SPOCK3: variants seen among roughly 807,000 people sequenced by gnomAD.
The protein encoded by SPOCK3 is SPARC (osteonectin), cwcv and kazal like domains proteoglycan 3, also known as testican-3.
Under a neutral mutation model 56.6 loss-of-function variants are expected in SPOCK3, and 30 were observed. The observed-to-expected ratio is 0.53, with a 90% confidence interval of 0.40 to 0.72. The LOEUF is 0.72. Among genes scored for constraint, SPOCK3 ranks in the 30% least tolerant of loss-of-function variants. The pLI is 0.00. For synonymous variants in SPOCK3, 196 were observed against 183.3 expected, an observed-to-expected ratio of 1.07 and a Z score of -0.56; for missense variants, 527 against 530.0, an observed-to-expected ratio of 0.99 and a Z score of 0.06.
intron 2 of SPOCK3, among the ~76,000 whole-genome samples, chr4:167,123,258 TAA>T (rs1045638552): frequency 8.5e-5 from 13 of 152,218 alleles, no homozygotes; most frequent in South Asian, 6.2e-4. Context: ...GAATGATATA[TAA>T]GTTAATAATA....
chr4:167,029,331 ATAAAT>A (rs1238128669), intron 3 of SPOCK3, among the ~76,000 whole-genome samples: 4 of 151,848 alleles, frequency 2.6e-5, no homozygotes, highest in Admixed American at 2.6e-4. Context: ...TAGAGTCATA[ATAAAT>A]TAAATTTACC....
In SPOCK3 at chr4:167,186,562, G is replaced by A. The variant is rs184856985; in HGVS notation, c.189+47423C>T. Among the ~76,000 whole-genome samples the A allele has an allele frequency of 4.1e-3, 625 of 152,118 alleles. 1 individual carries two copies. The highest frequency in any genetic ancestry group is 6.3e-3 in the Non-Finnish European group (430 of 68,000). ...GAATCATTTGAACCCAGGAGGCGGA[G>A]GTTGCAGTGAGCCGAGATCATGCCA... On this transcript the variant is annotated intron_variant, in intron 2 of 10. Coordinates refer to ENST00000357545, the MANE Select transcript of SPOCK3 (RefSeq NM_001040159.2).
intron 4 of SPOCK3, among the ~76,000 whole-genome samples, chr4:166,968,181 AG>A (rs1744953854): frequency 6.6e-6 from 1 of 152,134 alleles, no homozygotes; most frequent in Non-Finnish European, 1.5e-5. Context: ...CTGAAACTAG[AG>A]CTTATATTTT....
intron 3 of SPOCK3, among the ~76,000 whole-genome samples, chr4:167,002,885 C>T (rs1749087325): frequency 6.6e-6 from 1 of 152,110 alleles, no homozygotes; most frequent in Non-Finnish European, 1.5e-5. Context: ...ATTCATTAAA[C>T]AATTCTGCCT....
chr4:166,828,526 C>A (rs1745709399), intron 6 of SPOCK3, among the ~76,000 whole-genome samples: 1 of 151,828 alleles, frequency 6.6e-6, no homozygotes, highest in Admixed American at 6.6e-5. Context: ...TTACTTTATA[C>A]CCAGAGTTGT....
At chr4:166,740,217 G>A (rs7689694) in intron 9 of SPOCK3, among the ~76,000 whole-genome samples, 119,751 of 151,934 alleles carry the variant, frequency 0.79, 47,447 homozygotes, top group South Asian at 0.82. Flanking sequence ...AATTTCAGAC[G>A]CGTACTAATA....
rs542687278 is a variant in SPOCK3, at chr4:166,943,826, TGATA to T, written c.351-31087_351-31084del. On this transcript the variant is annotated intron_variant, in intron 4 of 10. Transcript: ENST00000357545. ...ATACTTTAAAACATTATATGATACA[TGATA>T]AATATATGAAATTTTATGTTAATTA... is the stretch of plus-strand genomic sequence containing the variant. Among the ~76,000 whole-genome samples, 76 of 152,278 alleles carry T rather than the reference TGATA, an allele frequency of 5.0e-4. 2 individuals are homozygous for T. The South Asian group carries it at 0.016, about 31-fold the overall frequency.
At chr4:167,053,092 G>A (rs138749886) in intron 3 of SPOCK3, among the ~76,000 whole-genome samples, 179 of 152,252 alleles carry the variant, frequency 1.2e-3, no homozygotes, top group African/African-American at 3.9e-3. Flanking sequence ...TATGTGAGAC[G>A]TTTTGCAAAT....
chr4:166,985,618 A>G (rs1366491483), intron 4 of SPOCK3, among the ~76,000 whole-genome samples: 6 of 152,156 alleles, frequency 3.9e-5, no homozygotes, highest in African/African-American at 1.2e-4. Flanking sequence ...CAAAGTGTCA[A>G]TATGGGATGT....
At chr4:167,218,798 A>G (rs930691445) in intron 2 of SPOCK3, among the ~76,000 whole-genome samples, 2 of 152,302 alleles carry the variant, frequency 1.3e-5, no homozygotes, top group Admixed American at 6.6e-5. Context: ...ACAATTTTAA[A>G]TGACAATAAC....
chr4:166,785,152 A>C (rs1434269084), intron 7 of SPOCK3, among the ~76,000 whole-genome samples: 2 of 152,102 alleles, frequency 1.3e-5, no homozygotes, highest in Non-Finnish European at 2.9e-5. Flanking sequence ...CATTTCCTTC[A>C]ACTTCTTATC....
At chr4:166,834,059 GT>G (rs1371388224) in intron 6 of SPOCK3, among the ~76,000 whole-genome samples, 1 of 152,108 alleles carries the variant, frequency 6.6e-6, no homozygotes, top group Admixed American at 6.6e-5. Context: ...AGAATCAAGA[GT>G]TTTTTTCCTG....
intron 2 of SPOCK3, among the ~76,000 whole-genome samples, chr4:167,104,827 A>G (rs932817709): frequency 2.6e-5 from 4 of 151,796 alleles, no homozygotes; most frequent in Admixed American, 2.0e-4. Flanking sequence ...AACGATCCCA[A>G]AAGCAGCAAG....
intron 2 of SPOCK3, among the ~76,000 whole-genome samples, chr4:167,160,039 A>T (rs1765154528): frequency 6.6e-6 from 1 of 152,166 alleles, no homozygotes. Context: ...AGTTCTGGCC[A>T]GGGCAATTAG....
chr4:166,740,523 ATTATTATCAT>A lies in SPOCK3; in HGVS notation c.994+1464_994+1473del, dbSNP rs1734726669. Among the ~76,000 whole-genome samples, 5 of 21,314 alleles carry A rather than the reference ATTATTATCAT, an allele frequency of 2.3e-4. No individual in the cohort carries two copies. In the South Asian group the frequency reaches 7.1e-3, roughly 30 times the overall value. The allele number at this position is 21,314 out of a possible 152,430, so 14.0% of individuals were successfully genotyped here. ...TATTATTATTATTATTATTATTATTATTATTATCATTATTATTTCTGAGATGGAGTCTCGC... is the reference window on the plus strand; with the variant it reads ...TATTATTATTATTATTATTATTATTATATTATTTCTGAGATGGAGTCTCGC... On this transcript the variant is annotated intron_variant, in intron 9 of 10. Coordinates refer to ENST00000357545, the MANE Select transcript of SPOCK3 (RefSeq NM_001040159.2).
intron 4 of SPOCK3, among the ~76,000 whole-genome samples, chr4:166,920,931 C>G (rs775954646): frequency 6.6e-6 from 1 of 152,112 alleles, no homozygotes; most frequent in Non-Finnish European, 1.5e-5. Flanking sequence ...TTTAAGTAAA[C>G]CGTCATTAAG....
At chr4:167,013,537 A>G (rs1444348575) in intron 3 of SPOCK3, among the ~76,000 whole-genome samples, 1 of 151,142 alleles carries the variant, frequency 6.6e-6, no homozygotes, top group Non-Finnish European at 1.5e-5. Flanking sequence ...AAACTATTGT[A>G]TTATAAAATA....
At chr4:166,965,137 A>G (rs972810803) in intron 4 of SPOCK3, among the ~76,000 whole-genome samples, 1 of 151,984 alleles carries the variant, frequency 6.6e-6, no homozygotes, top group African/African-American at 2.4e-5. Context: ...TGGAAAGAAC[A>G]TGCTTTTTAT....
At chr4:167,163,383 T>A (rs1373359941) in intron 2 of SPOCK3, among the ~76,000 whole-genome samples, 2 of 151,982 alleles carry the variant, frequency 1.3e-5, no homozygotes, top group African/African-American at 4.8e-5. Flanking sequence ...CATGTAATAA[T>A]CACATCTGGG....
Sources: allele counts gnomAD v4.1 joint callset (sites outside exome capture counted in the v4.1 genomes callset), GRCh38; gene constraint gnomAD v4.1.1; transcripts MANE v1.5; gene names NCBI Gene and HGNC (gene_info 2026-07-23, HGNC 2026-07-21).